The following TMEM117 variants were observed in gnomAD, a reference collection of about 807,000 sequenced individuals.
The protein encoded by TMEM117 is transmembrane protein 117.
Under a neutral mutation model 52.4 loss-of-function variants are expected in TMEM117, and 27 were observed. The observed-to-expected ratio is 0.51, with a 90% CI of 0.38 to 0.71. TMEM117 has a LOEUF of 0.71. Ranked by LOEUF, TMEM117 falls within the 30% of genes least tolerant of loss-of-function variation. The pLI, the probability that TMEM117 is intolerant of heterozygous loss-of-function variation, is 0.00. For synonymous variants in TMEM117, 215 were observed against 206.3 expected (o/e 1.04, Z -0.36); for missense variants, 556 against 630.5 (o/e 0.88, Z 1.26).
intron 2 of TMEM117, among the ~76,000 whole-genome samples, chr12:43,881,529 C>G (rs1470209076): frequency 1.3e-5 from 2 of 152,140 alleles, no homozygotes; most frequent in Non-Finnish European, 2.9e-5. Context: ...GAAGCTCATG[C>G]CTGTAATCCC....
chr12:44,052,448 A>C (rs1031664092), intron 3 of TMEM117, among the ~76,000 whole-genome samples: 3 of 152,190 alleles, frequency 2.0e-5, no homozygotes, highest in Non-Finnish European at 4.4e-5. Flanking sequence ...TGAGTGTGGC[A>C]GTCACAGACA....
intron 2 of TMEM117, among the ~76,000 whole-genome samples, chr12:43,924,117 A>G (rs995590124): frequency 1.3e-5 from 2 of 152,180 alleles, no homozygotes; most frequent in East Asian, 3.8e-4. Flanking sequence ...GTGAATCTTA[A>G]TGGGTTTTAT....
intron 3 of TMEM117, among the ~76,000 whole-genome samples, chr12:43,970,809 C>A (rs1481890332): frequency 6.6e-6 from 1 of 152,116 alleles, no homozygotes; most frequent in African/African-American, 2.4e-5. Flanking sequence ...TGTTTTCTTA[C>A]TCTAGTTAGG....
chr12:43,814,809 A>C, the TMEM117 span, among the ~76,000 whole-genome samples: 2 of 136,548 alleles, frequency 1.5e-5, no homozygotes, highest in Non-Finnish European at 3.0e-5. Context: ...GAATGGCACT[A>C]TCTTGGCTCA....
downstream of TMEM117, among the ~76,000 whole-genome samples, chr12:44,390,571 A>G (rs1193039981): frequency 2.7e-5 from 4 of 150,918 alleles, no homozygotes; most frequent in Admixed American, 1.3e-4. Context: ...AGTAAGACAG[A>G]AAAAAAATAA....
chr12:44,214,421 G>A (rs918502648), intron 5 of TMEM117, among the ~76,000 whole-genome samples: 2 of 151,926 alleles, frequency 1.3e-5, no homozygotes, highest in Non-Finnish European at 2.9e-5. Context: ...ACCCACCTTG[G>A]GCTCCCAAAG....
At chr12:44,362,815 CT>C (rs1230638879) in intron 6 of TMEM117, among the ~76,000 whole-genome samples, 3 of 147,148 alleles carry the variant, frequency 2.0e-5, no homozygotes, top group African/African-American at 7.5e-5. Flanking sequence ...GCTTCTTTTT[CT>C]TTTTTTCTTT....
At position 44,172,756 on chromosome 12, in the gene TMEM117, G is replaced by A. The variant is rs541682479; in HGVS notation, c.510+29132G>A. ...TCTCTTTTTTTTGAGACTGAGTTTC[G>A]CTGTGTCACCCAGGCTGGAGTGCAG... On this transcript the variant is annotated intron_variant, in intron 4 of 7. Coordinates refer to ENST00000266534, the MANE Select transcript of TMEM117 (RefSeq NM_032256.3). Among the ~76,000 whole-genome samples, 62 of 152,122 alleles carry A rather than the reference G, an allele frequency of 4.1e-4. 1 individual carries two copies. The highest frequency in any genetic ancestry group is 6.6e-4 in the Non-Finnish European group (45 of 67,984).
intron 3 of TMEM117, among the ~76,000 whole-genome samples, chr12:43,949,890 T>C (rs1383128766): frequency 6.6e-6 from 1 of 152,146 alleles, no homozygotes; most frequent in Non-Finnish European, 1.5e-5. Flanking sequence ...ACAGTTTCCT[T>C]TGGATTTTAG....
chr12:43,866,479 G>T (rs1202961900), intron 2 of TMEM117, among the ~76,000 whole-genome samples: 2 of 151,868 alleles, frequency 1.3e-5, no homozygotes, highest in Non-Finnish European at 2.9e-5. Context: ...GGAGACTGAG[G>T]CAGGAAGATT....
At chr12:43,830,660 C>T in the TMEM117 span, among the ~76,000 whole-genome samples, 2 of 151,154 alleles carry the variant, frequency 1.3e-5, no homozygotes, top group South Asian at 2.1e-4. Context: ...CTTTGCCCAG[C>T]CATTTATAGG....
intron 3 of TMEM117, among the ~76,000 whole-genome samples, chr12:44,114,302 C>A (rs1948095478): frequency 6.6e-6 from 1 of 152,086 alleles, no homozygotes; most frequent in Non-Finnish European, 1.5e-5. Flanking sequence ...TCCTTTATAT[C>A]CATCTTGTGC....
rs12309942 is a variant in TMEM117, at chr12:44,015,547, T to C, written c.410+71205T>C. Reference sequence around the variant, plus strand: ...TAAAATCGCTAGAGGGCACTGTGGATAAGCATTTGTAGCAAAGATACCTAT... The same window carrying C: ...TAAAATCGCTAGAGGGCACTGTGGACAAGCATTTGTAGCAAAGATACCTAT... On this transcript the variant is annotated intron_variant, in intron 3 of 7. Transcript: ENST00000266534. Among the ~76,000 whole-genome samples the C allele has an allele frequency of 5.0e-3, 757 of 152,300 alleles. 4 individuals carry two copies. The highest frequency in any genetic ancestry group is 0.017 in the African/African-American group (715 of 41,564).
chr12:43,971,208 CCTT>C (rs1295919972), intron 3 of TMEM117, among the ~76,000 whole-genome samples: 18 of 152,258 alleles, frequency 1.2e-4, no homozygotes, highest in Admixed American at 3.3e-4. Context: ...CTGATGCTCT[CCTT>C]ATTATTTCTT....
chr12:44,202,724 CTCT>C lies in TMEM117; in HGVS notation c.511-8561_511-8559del, dbSNP rs1949512207. Among the ~76,000 whole-genome samples the C allele has an allele frequency of 2.6e-5, 4 of 151,514 alleles. No individual in the cohort carries two copies. In the South Asian group the frequency reaches 8.3e-4, roughly 32 times the overall value. On this transcript the variant is annotated intron_variant, in intron 4 of 7. Coordinates refer to ENST00000266534, the MANE Select transcript of TMEM117 (RefSeq NM_032256.3). Reference sequence around the variant, plus strand: ...ATAATTTCAGTAGGATTGGTACTAGCTCTTCTTGCATGTCTGATAGAATTTGGC... The same window carrying C: ...ATAATTTCAGTAGGATTGGTACTAGCTCTTGCATGTCTGATAGAATTTGGC...
rs553831268 is a variant in TMEM117 at position 44,190,939 on chromosome 12, ATAG to A, written c.511-20346_511-20344del. Among the ~76,000 whole-genome samples, 1,268 of 147,710 alleles carry A rather than the reference ATAG, an allele frequency of 8.6e-3. 12 individuals carry two copies. The highest frequency in any genetic ancestry group is 0.03 in the African/African-American group (1,207 of 40,728). On this transcript the variant is annotated intron_variant, in intron 4 of 7. Coordinates refer to ENST00000266534, the MANE Select transcript of TMEM117 (RefSeq NM_032256.3). The stretch of plus-strand genomic sequence containing the variant: ...TATACTAGTAATATATATACTATAT[ATAG>A]TAGTCTATGCTAATATATATTATAT...
chr12:43,910,557 C>T (rs558400235), intron 2 of TMEM117, among the ~76,000 whole-genome samples: 1 of 151,472 alleles, frequency 6.6e-6, no homozygotes, highest in Non-Finnish European at 1.5e-5. Context: ...GTCAAATTGT[C>T]CCTGTTTGCA....
intron 3 of TMEM117, among the ~76,000 whole-genome samples, chr12:43,967,272 G>C (rs1465644588): frequency 6.6e-6 from 1 of 152,034 alleles, no homozygotes; most frequent in Non-Finnish European, 1.5e-5. Flanking sequence ...TTACAGGCAT[G>C]TGCCACCATG....
intron 2 of TMEM117, among the ~76,000 whole-genome samples, chr12:43,932,859 C>T (rs1944893159): frequency 6.6e-6 from 1 of 152,114 alleles, no homozygotes; most frequent in Admixed American, 6.6e-5. Flanking sequence ...ACTTAGAGGA[C>T]TTGTGGAAAG....
Sources: gnomAD v4.1 joint callset for allele counts (sites outside exome capture counted in the v4.1 genomes callset) on GRCh38, gnomAD v4.1.1 for gene constraint, MANE v1.5 for transcripts, NCBI Gene and HGNC (gene_info 2026-07-23, HGNC 2026-07-21) for gene names.